Variants in TRIM9 observed in about 807,000 individuals in gnomAD.
TRIM9 encodes tripartite motif containing 9.
A neutral mutation model predicts 78.3 loss-of-function variants in TRIM9; 26 were observed. The ratio of observed to expected loss-of-function variants is 0.33; its 90% CI spans 0.24 to 0.46. The LOEUF (loss-of-function observed/expected upper bound fraction) is 0.46, where lower values mean the gene tolerates loss of function less well. Ranked by LOEUF, TRIM9 falls within the 20% of genes least tolerant of loss-of-function variation. TRIM9 has a pLI of 1.00. For missense variants in TRIM9, 787 were observed against 1,036.4 expected, an observed-to-expected ratio of 0.76 and a Z score of 3.30; for synonymous variants, 398 against 416.5, an observed-to-expected ratio of 0.96 and a Z score of 0.54.
At chr14:51,023,039 T>C in intron 2 of TRIM9, 82 bp from the exon 3 acceptor site, 1 of 1,564,594 alleles carries the variant, frequency 6.4e-7, no homozygotes, top group Middle Eastern at 1.7e-4. Context: ...CCCATCCTGC[T>C]GAAGGGAATG....
chr14:51,014,256 C>A (rs1042014709), intron 3 of TRIM9, among the ~76,000 whole-genome samples: 1 of 152,198 alleles, frequency 6.6e-6, no homozygotes, highest in Non-Finnish European at 1.5e-5. Context: ...AAGGAGCTAT[C>A]TGAGTGCTGG....
intron 12 of TRIM9, among the ~76,000 whole-genome samples, chr14:50,978,555 T>A (rs2051367111): frequency 2.6e-5 from 4 of 152,178 alleles, no homozygotes; most frequent in Admixed American, 2.6e-4. Context: ...AAGGCTCAGC[T>A]CACCGGTAAC....
At chr14:51,007,225 A>G (rs1235673146) in intron 5 of TRIM9, among the ~76,000 whole-genome samples, 1 of 152,018 alleles carries the variant, frequency 6.6e-6, no homozygotes, top group Admixed American at 6.6e-5. Context: ...TTTTTCCTTT[A>G]AGCTACTTGT....
intron 1 of TRIM9, among the ~76,000 whole-genome samples, chr14:51,057,436 ATTTGTT>A (rs528988614): frequency 1.5e-3 from 221 of 152,308 alleles, no homozygotes; most frequent in African/African-American, 5.1e-3. Flanking sequence ...ATATAAAAGG[ATTTGTT>A]TTCTGGAAGT....
chr14:51,092,726 T>G (rs1483753132), intron 1 of TRIM9, among the ~76,000 whole-genome samples: 1 of 152,196 alleles, frequency 6.6e-6, no homozygotes, highest in African/African-American at 2.4e-5. Flanking sequence ...TGTGGGCATA[T>G]TATAAGGATC....
intron 5 of TRIM9, among the ~76,000 whole-genome samples, chr14:51,006,596 T>C (rs2055834686): frequency 1.3e-5 from 2 of 152,192 alleles, no homozygotes; most frequent in African/African-American, 2.4e-5. Context: ...AAGCAAAGCA[T>C]ATAAATTAAC....
chr14:50,984,215 T>C (rs892507866), intron 8 of TRIM9, among the ~76,000 whole-genome samples: 1 of 152,210 alleles, frequency 6.6e-6, no homozygotes, highest in African/African-American at 2.4e-5. Flanking sequence ...AAATGTGGTT[T>C]TGATGAACAC....
rs2058133572 is a variant in TRIM9 at position 51,025,497 on chromosome 14, T to C, written c.823-137A>G. 8 of 703,362 alleles carry C rather than the reference T, an allele frequency of 1.1e-5. No homozygotes were observed. The East Asian group carries it at 1.6e-4, about 14-fold the overall frequency. The allele number at this position is 703,362 out of a possible 1,614,324, so 43.6% of individuals were successfully genotyped here. On this transcript the variant is annotated intron_variant, in intron 1 of 12. Transcript: ENST00000684578. ...GGTTGGACCTTTTTGCTGGCATTTG[T>C]ACAGGTAGATTCTGGTGTCGAAACT...
intron 12 of TRIM9, chr14:50,978,805 T>C: frequency 1.4e-6 from 1 of 690,530 alleles, no homozygotes; most frequent in Non-Finnish European, 1.8e-6. Flanking sequence ...CACTTATAAC[T>C]GTGCCTGGCA....
At chr14:51,083,384 A>G (rs2063480688) in intron 1 of TRIM9, among the ~76,000 whole-genome samples, 1 of 151,982 alleles carries the variant, frequency 6.6e-6, no homozygotes, top group African/African-American at 2.4e-5. Flanking sequence ...GATCCTCAGT[A>G]GCTCGGACTA....
chr14:51,069,231 G>T (rs1041043317), intron 1 of TRIM9, among the ~76,000 whole-genome samples: 19 of 152,190 alleles, frequency 1.2e-4, no homozygotes, highest in African/African-American at 4.6e-4. Flanking sequence ...GTCTCCAGCA[G>T]TCTCAGGAAC....
At chr14:50,977,877 T>C (rs561867963) in intron 12 of TRIM9, among the ~76,000 whole-genome samples, 188 of 152,332 alleles carry the variant, frequency 1.2e-3, no homozygotes, top group African/African-American at 4.1e-3. Context: ...TGGATAGCTA[T>C]GGATAAAACT....
intron 1 of TRIM9, among the ~76,000 whole-genome samples, chr14:51,031,131 A>G (rs1394372287): frequency 1.4e-5 from 2 of 145,258 alleles, no homozygotes; most frequent in Non-Finnish European, 3.0e-5. Flanking sequence ...CTGGGCAACA[A>G]GAATGAAACT....
In TRIM9 at chr14:50,986,119, G is replaced by A; in HGVS notation, c.1629C>T (p.Leu543=). The A allele has an allele frequency of 7.8e-6, 12 of 1,539,532 alleles. No individual in the cohort carries two copies. Among genetic ancestry groups the A allele is most frequent in the Non-Finnish European group, 8.8e-6 (10 of 1,141,158 alleles). The change falls in exon 8 of 13, where the codon CTC becomes CTT. Residue 543 remains leucine (L), a synonymous_variant. Transcript: ENST00000684578. ...SEDTDSEEQT[L]PFPVPSERLP... is the part of the protein sequence containing the mutation. ...ATCTTTCCGAAGGCACTGGAAAAGG[G>A]AGGGTCTGTTCTTCTGAATCTGTGT...
intron 5 of TRIM9, among the ~76,000 whole-genome samples, chr14:51,006,981 A>C (rs185810773): frequency 6.8e-4 from 104 of 152,286 alleles, no homozygotes; most frequent in African/African-American, 2.3e-3. Context: ...ACTCCAGCTC[A>C]ATCTCTACCA....
At chr14:51,069,141 CTGA>C (rs747864256) in intron 1 of TRIM9, among the ~76,000 whole-genome samples, 8 of 152,150 alleles carry the variant, frequency 5.3e-5, no homozygotes, top group Non-Finnish European at 1.2e-4. Flanking sequence ...TGGAATCAGT[CTGA>C]GAGAGTTGGG....
At position 50,976,613 on chromosome 14, in the gene TRIM9, A is replaced by G. The variant is rs919720909; in HGVS notation, c.*678T>C. ...TTGCCTGTGTCTTAGAGACTTTCCA[A>G]TTTTATACAGTGGCCAGGGTTCTGG... On this transcript the variant is annotated 3_prime_UTR_variant, in exon 13 of 13. Coordinates refer to ENST00000684578, the MANE Select transcript of TRIM9 (RefSeq NM_001387360.1). 3.9e-5 allele frequency: 6 copies of G among 152,604 alleles called. No individual in the cohort carries two copies. Among genetic ancestry groups the G allele is most frequent in the African/African-American group, 9.7e-5 (4 of 41,432 alleles). The allele number at this position is 152,604 out of a possible 1,614,324, so 9.5% of individuals were successfully genotyped here. A position where few individuals can be genotyped will look rare whatever the true frequency, so the allele number is the denominator to read the frequency against.
chr14:51,092,402 T>C (rs191216249), intron 1 of TRIM9, among the ~76,000 whole-genome samples: 1 of 152,278 alleles, frequency 6.6e-6, no homozygotes, highest in Admixed American at 6.5e-5. Flanking sequence ...ATTAATGACA[T>C]TTTTTTCTTG....
At chr14:51,025,172 A>C in intron 2 of TRIM9, 93 bp downstream of exon 2, 1 of 1,147,000 alleles carries the variant, frequency 8.7e-7, no homozygotes, top group Non-Finnish European at 1.3e-6. Context: ...TTTTCCCACG[A>C]CACATAAAAA....
Sources: allele counts gnomAD v4.1 joint callset (sites outside exome capture counted in the v4.1 genomes callset), GRCh38; gene constraint gnomAD v4.1.1; transcripts MANE v1.5; gene names NCBI Gene and HGNC (gene_info 2026-07-23, HGNC 2026-07-21).